GHR: variants seen among roughly 807,000 people sequenced by gnomAD.
The protein encoded by GHR is growth hormone receptor, also known as GH receptor.
In GHR, 35 loss-of-function variants were observed where a neutral mutation model predicts 67.1. The ratio of observed to expected loss-of-function variants is 0.52; its 90% CI spans 0.40 to 0.69. The LOEUF (loss-of-function observed/expected upper bound fraction) is 0.69. Among genes scored for constraint, GHR ranks in the 30% least tolerant of loss-of-function variants. GHR has a pLI of 0.00. For missense variants in GHR, 792 were observed against 764.6 expected, an observed-to-expected ratio of 1.04 and a Z score of -0.42; for synonymous variants, 272 against 269.1, an observed-to-expected ratio of 1.01 and a Z score of -0.10.
At chr5:42,452,182 A>C (rs1744078925) in intron 1 of GHR, among the ~76,000 whole-genome samples, 1 of 152,194 alleles carries the variant, frequency 6.6e-6, no homozygotes, top group Non-Finnish European at 1.5e-5. Context: ...TGGATGCAAA[A>C]TTTTTGACTG....
intron 4 of GHR, 116 bp from the exon 5 acceptor site, chr5:42,694,801 C>T: frequency 1.2e-6 from 1 of 818,374 alleles, no homozygotes; most frequent in Non-Finnish European, 2.1e-6. Context: ...TAAAATACCT[C>T]TTCACAAAAT....
chr5:42,498,733 A>T (rs1746419096), intron 1 of GHR, among the ~76,000 whole-genome samples: 1 of 152,174 alleles, frequency 6.6e-6, no homozygotes, highest in Non-Finnish European at 1.5e-5. Context: ...ATATCTCATT[A>T]ATGTGCATCA....
intron 1 of GHR, among the ~76,000 whole-genome samples, chr5:42,426,408 T>C (rs1742855650): frequency 6.6e-6 from 1 of 152,204 alleles, no homozygotes; most frequent in Non-Finnish European, 1.5e-5. Flanking sequence ...GAAAAAAGCA[T>C]GGATTATGTT....
At chr5:42,522,715 T>G (rs1409078437) in intron 1 of GHR, among the ~76,000 whole-genome samples, 4 of 152,200 alleles carry the variant, frequency 2.6e-5, no homozygotes, top group African/African-American at 9.6e-5. Flanking sequence ...GAGCAACTTT[T>G]CTTACTTCCA....
intron 1 of GHR, among the ~76,000 whole-genome samples, chr5:42,528,259 A>G (rs761433040): frequency 2.0e-5 from 3 of 152,194 alleles, no homozygotes; most frequent in Non-Finnish European, 2.9e-5. Flanking sequence ...CCTTATGGAA[A>G]GGATTTACCA....
chr5:42,567,026 C>G (rs1192118318), intron 2 of GHR, among the ~76,000 whole-genome samples: 2 of 152,160 alleles, frequency 1.3e-5, no homozygotes, highest in Admixed American at 1.3e-4. Context: ...TTTTTGGTCT[C>G]TCTGGCGTTA....
In GHR at chr5:42,508,218, G is replaced by C. The variant is rs557904104; in HGVS notation, c.-11-57646G>C. On this transcript the variant is annotated intron_variant, in intron 1 of 9. Transcript: ENST00000230882. The stretch of plus-strand genomic sequence containing the variant: ...GCTTCATTGCTGAGGTACATATGTG[G>C]TTAAGGAGCTGAGAGAACTGGTCTG... Among the ~76,000 whole-genome samples, 9 of 152,294 alleles carry C rather than the reference G, an allele frequency of 5.9e-5. No individual in the cohort carries two copies. The South Asian group carries it at 1.9e-3, about 32-fold the overall frequency.
intron 4 of GHR, among the ~76,000 whole-genome samples, chr5:42,691,078 CTCTG>C: frequency 6.6e-6 from 1 of 152,232 alleles, no homozygotes; most frequent in South Asian, 2.1e-4. Flanking sequence ...GGTCACATAA[CTCTG>C]TCCACAGGCA....
At chr5:42,477,497 C>T (rs1276431049) in intron 1 of GHR, among the ~76,000 whole-genome samples, 1 of 152,184 alleles carries the variant, frequency 6.6e-6, no homozygotes, top group Non-Finnish European at 1.5e-5. Flanking sequence ...ACAGTCCCAC[C>T]AACAGTGTAA....
At chr5:42,558,799 C>T (rs1184399795) in intron 1 of GHR, among the ~76,000 whole-genome samples, 2 of 152,072 alleles carry the variant, frequency 1.3e-5, no homozygotes, top group Non-Finnish European at 2.9e-5. Context: ...AGAATGTATT[C>T]CTGTCATTAA....
intron 2 of GHR, among the ~76,000 whole-genome samples, chr5:42,626,237 G>T (rs568336947): frequency 1.3e-5 from 2 of 152,196 alleles, no homozygotes; most frequent in African/African-American, 4.8e-5. Context: ...CAGGTTTACG[G>T]CTCATTCCAA....
intron 1 of GHR, among the ~76,000 whole-genome samples, chr5:42,446,246 A>G (rs938918744): frequency 7.2e-5 from 11 of 152,190 alleles, no homozygotes; most frequent in Admixed American, 5.2e-4. Context: ...CTACAGTGGG[A>G]GGAGTTATGA....
intron 2 of GHR, among the ~76,000 whole-genome samples, chr5:42,576,141 A>AGTAAAGT (rs1473733015): frequency 9.9e-4 from 94 of 94,698 alleles, no homozygotes; most frequent in African/African-American, 4.2e-3. Context: ...AATAAAATAA[A>AGTAAAGT]ATAGTAAAGT....
At chr5:42,479,877 T>C (rs535412959) in intron 1 of GHR, among the ~76,000 whole-genome samples, 2 of 152,332 alleles carry the variant, frequency 1.3e-5, no homozygotes, top group African/African-American at 4.8e-5. Flanking sequence ...TTTTTGTGTC[T>C]CTATTTCCTT....
chr5:42,528,867 CAA>C (rs1948985688), intron 1 of GHR, among the ~76,000 whole-genome samples: 1 of 152,116 alleles, frequency 6.6e-6, no homozygotes, highest in African/African-American at 2.4e-5. Context: ...TCTCCACCGG[CAA>C]AAAGATTATG....
intron 1 of GHR, among the ~76,000 whole-genome samples, chr5:42,562,644 CTTTTT>C (rs1212633265): frequency 5.1e-5 from 4 of 77,746 alleles, no homozygotes; most frequent in South Asian, 9.8e-4. Context: ...GTTATAGTTC[CTTTTT>C]TTTTTTTTTT....
chr5:42,553,862 G>C (rs1438325188), intron 1 of GHR, among the ~76,000 whole-genome samples: 2 of 152,086 alleles, frequency 1.3e-5, no homozygotes, highest in African/African-American at 4.8e-5. Flanking sequence ...AATATTTTCT[G>C]ATCTTAATTC....
At chr5:42,682,597 T>A (rs1215678113) in intron 3 of GHR, among the ~76,000 whole-genome samples, 1 of 152,116 alleles carries the variant, frequency 6.6e-6, no homozygotes. Context: ...TGGTACTAGA[T>A]GTGACAGGAT....
At chr5:42,529,300 C>T (rs1041919438) in intron 1 of GHR, among the ~76,000 whole-genome samples, 7 of 152,038 alleles carry the variant, frequency 4.6e-5, no homozygotes, top group African/African-American at 7.2e-5. Flanking sequence ...TGTGAGCCAC[C>T]GCGCCTGGCC....
Sources: allele counts gnomAD v4.1 joint callset (sites outside exome capture counted in the v4.1 genomes callset), GRCh38; gene constraint gnomAD v4.1.1; transcripts MANE v1.5; gene names NCBI Gene and HGNC (gene_info 2026-07-23, HGNC 2026-07-21).